C1orf21: variants seen among roughly 807,000 people sequenced by gnomAD.
C1orf21 encodes the protein chromosome 1 open reading frame 21, also known as uncharacterized protein C1orf21.
A neutral mutation model predicts 18.7 loss-of-function variants in C1orf21; 3 were observed. The ratio of observed to expected loss-of-function variants is 0.16; its 90% CI spans 0.07 to 0.42. The LOEUF (loss-of-function observed/expected upper bound fraction) is 0.42, where lower values mean the gene tolerates loss of function less well. Among genes scored for constraint, C1orf21 ranks in the 10% least tolerant of loss-of-function variants. The pLI is 0.99. For missense variants in C1orf21, 104 were observed against 143.6 expected, an observed-to-expected ratio of 0.72 and a Z score of 1.41; for synonymous variants, 41 against 46.4, an observed-to-expected ratio of 0.88 and a Z score of 0.47.
At chr1:184,504,347 G>A (rs1003782650) in intron 2 of C1orf21, among the ~76,000 whole-genome samples, 2 of 36,404 alleles carry the variant, frequency 5.5e-5, no homozygotes, top group African/African-American at 4.1e-4. Flanking sequence ...GTTTTTCTGC[G>A]CCAGGACCCT....
chr1:184,598,153 T>A (rs1659542688), intron 4 of C1orf21, among the ~76,000 whole-genome samples: 1 of 152,152 alleles, frequency 6.6e-6, no homozygotes, highest in Non-Finnish European at 1.5e-5. Flanking sequence ...AACATTACTA[T>A]AAATAGCATC....
intron 3 of C1orf21, among the ~76,000 whole-genome samples, chr1:184,527,484 A>C (rs1235554603): frequency 1.3e-5 from 2 of 152,170 alleles, no homozygotes; most frequent in African/African-American, 4.8e-5. Flanking sequence ...TGGAGCCTTA[A>C]GGGCTGAATA....
intron 1 of C1orf21, among the ~76,000 whole-genome samples, chr1:184,463,075 T>G (rs886692750): frequency 3.5e-5 from 4 of 112,928 alleles, no homozygotes; most frequent in Admixed American, 1.0e-4. Context: ...CGAGCAAGAC[T>G]CCATCTCAAA....
intron 1 of C1orf21, among the ~76,000 whole-genome samples, chr1:184,422,355 CAAAA>C (rs1656559083): frequency 6.6e-6 from 1 of 152,148 alleles, no homozygotes; most frequent in Admixed American, 6.5e-5. Context: ...TAATAATAAG[CAAAA>C]TTTGTGTAAC....
intron 3 of C1orf21, among the ~76,000 whole-genome samples, chr1:184,551,940 T>C (rs573550046): frequency 8.8e-6 from 1 of 113,082 alleles, no homozygotes; most frequent in South Asian, 2.6e-4. Context: ...AGAGACCCTG[T>C]CTTAAAAAAA....
intron 2 of C1orf21, among the ~76,000 whole-genome samples, chr1:184,498,947 A>T (rs1657932312): frequency 6.6e-6 from 1 of 152,204 alleles, no homozygotes; most frequent in Admixed American, 6.5e-5. Context: ...ACTGTGCCTT[A>T]GTTCCTTTTC....
At chr1:184,491,732 A>G (rs1657819888) in intron 2 of C1orf21, among the ~76,000 whole-genome samples, 1 of 152,170 alleles carries the variant, frequency 6.6e-6, no homozygotes, top group Non-Finnish European at 1.5e-5. Context: ...CATCAATGAC[A>G]GTGACCTTCG....
chr1:184,446,533 T>C (rs1031017929), intron 1 of C1orf21, among the ~76,000 whole-genome samples: 9 of 152,144 alleles, frequency 5.9e-5, no homozygotes, highest in Non-Finnish European at 8.8e-5. Context: ...AATGAACATG[T>C]TAAATGATAC....
intron 4 of C1orf21, among the ~76,000 whole-genome samples, chr1:184,592,484 A>G (rs1158903613): frequency 6.6e-6 from 1 of 152,188 alleles, no homozygotes; most frequent in African/African-American, 2.4e-5. Context: ...ATGATAAAAT[A>G]TATTTTGTAT....
chr1:184,627,067 G>C lies in C1orf21; in HGVS notation c.*7511G>C, dbSNP rs1217442481. The stretch of plus-strand genomic sequence containing the variant: ...ACACACCCGAGTCCTGCCAAAGAAA[G>C]GAGATTTTTAAAAAGCACAGACAAA... On this transcript the variant is annotated 3_prime_UTR_variant, in exon 6 of 6. Transcript: ENST00000235307. The C allele has an allele frequency of 6.6e-6, 1 of 152,566 alleles. No individual in the cohort carries two copies. The highest frequency in any genetic ancestry group is 1.5e-5 in the Non-Finnish European group (1 of 68,052). The allele number at this position is 152,566 out of a possible 1,614,324, so 9.5% of individuals were successfully genotyped here.
chr1:184,396,915 A>G (rs1338254772), intron 1 of C1orf21, among the ~76,000 whole-genome samples: 3 of 152,192 alleles, frequency 2.0e-5, no homozygotes, highest in East Asian at 1.9e-4. Context: ...CCTGCCGCAC[A>G]CTAGGGGCCC....
At chr1:184,412,134 A>G (rs1374407038) in intron 1 of C1orf21, 1 of 152,238 alleles carries the variant, frequency 6.6e-6, no homozygotes, top group Non-Finnish European at 1.5e-5. Flanking sequence ...ATTTTTAAAT[A>G]TTCCTGTCAG....
At chr1:184,560,009 C>A (rs577415475) in intron 3 of C1orf21, among the ~76,000 whole-genome samples, 2 of 152,224 alleles carry the variant, frequency 1.3e-5, no homozygotes, top group South Asian at 4.1e-4. Context: ...GCCTTGACCT[C>A]CCAAAGTGCT....
At chr1:184,572,441 T>A (rs545635244) in intron 3 of C1orf21, among the ~76,000 whole-genome samples, 1 of 152,332 alleles carries the variant, frequency 6.6e-6, no homozygotes, top group African/African-American at 2.4e-5. Flanking sequence ...AAATGACTGT[T>A]AGACAGCAGA....
chr1:184,477,410 C>A lies in C1orf21; in HGVS notation c.-100C>A. 2.2e-6 allele frequency: 2 copies of A among 928,948 alleles called. No homozygotes were observed. The highest frequency in any genetic ancestry group is 3.3e-6 in the Non-Finnish European group (2 of 607,658). 57.5% of individuals were successfully genotyped at this position (928,948 alleles called of 1,614,324 possible). A position where few individuals can be genotyped will look rare whatever the true frequency, so the allele number is the denominator to read the frequency against. The stretch of plus-strand genomic sequence containing the variant: ...GGTGCACACATCTTGACCAACTCAG[C>A]AGCAAGGTGGATTTTCTTTGTGTTT... On this transcript the variant is annotated 5_prime_UTR_variant, in exon 2 of 6. Coordinates refer to ENST00000235307, the MANE Select transcript of C1orf21 (RefSeq NM_030806.4).
At chr1:184,432,336 A>G (rs930054642) in intron 1 of C1orf21, among the ~76,000 whole-genome samples, 12 of 152,198 alleles carry the variant, frequency 7.9e-5, no homozygotes, top group Admixed American at 4.6e-4. Flanking sequence ...ATACTATGCA[A>G]CCATAAAAAA....
intron 1 of C1orf21, among the ~76,000 whole-genome samples, chr1:184,419,118 G>T (rs1391933761): frequency 6.6e-6 from 1 of 152,016 alleles, no homozygotes; most frequent in East Asian, 1.9e-4. Flanking sequence ...ATGTCAAACA[G>T]CCCCGGATCT....
At chr1:184,467,021 T>C (rs1037069604) in intron 1 of C1orf21, among the ~76,000 whole-genome samples, 2 of 152,210 alleles carry the variant, frequency 1.3e-5, no homozygotes, top group African/African-American at 4.8e-5. Context: ...TCTGTCTTTT[T>C]AGGGAGTATA....
chr1:184,568,514 T>G (rs1659066073), intron 3 of C1orf21: 1 of 456,664 alleles, frequency 2.2e-6, no homozygotes, highest in South Asian at 1.6e-5. Context: ...TAATATTTGA[T>G]ATTTATTGGC....
Sources: allele counts gnomAD v4.1 joint callset (sites outside exome capture counted in the v4.1 genomes callset), GRCh38; gene constraint gnomAD v4.1.1; transcripts MANE v1.5; gene names NCBI Gene and HGNC (gene_info 2026-07-23, HGNC 2026-07-21).